Variants in SOX5 observed in about 807,000 individuals in gnomAD.
The protein encoded by SOX5 is transcription factor SOX-5.
In SOX5, 9 loss-of-function variants were observed where a neutral mutation model predicts 92.0. That is an observed-to-expected ratio of 0.10 (90% confidence interval 0.06 to 0.17). The LOEUF is 0.17. Ranked by LOEUF, SOX5 falls within the 10% of genes least tolerant of loss-of-function variation. The probability of loss-of-function intolerance (pLI) is 1.00; values close to 1 mark genes in which losing one functional copy is unlikely to be tolerated. For missense variants in SOX5, 642 were observed against 944.5 expected, an observed-to-expected ratio of 0.68 and a Z score of 4.20; for synonymous variants, 344 against 336.3, an observed-to-expected ratio of 1.02 and a Z score of -0.25.
intron 7 of SOX5, among the ~76,000 whole-genome samples, chr12:23,654,919 TGTTA>T (rs2082126014): frequency 6.6e-6 from 1 of 152,100 alleles, no homozygotes; most frequent in African/African-American, 2.4e-5. Flanking sequence ...ATAAGGTAAT[TGTTA>T]GTTCTTAACT....
chr12:23,623,243 G>T (rs984756547), intron 8 of SOX5, among the ~76,000 whole-genome samples: 1 of 152,100 alleles, frequency 6.6e-6, no homozygotes, highest in Non-Finnish European at 1.5e-5. Context: ...CATATGAACA[G>T]TAGAGACAGA....
At chr12:23,712,682 T>C (rs2092161643) in intron 6 of SOX5, among the ~76,000 whole-genome samples, 1 of 152,224 alleles carries the variant, frequency 6.6e-6, no homozygotes, top group African/African-American at 2.4e-5. Flanking sequence ...TTCAGAGTGC[T>C]ATAGACTATA....
At chr12:24,224,934 C>T (rs973357486) in intron 3 of SOX5, among the ~76,000 whole-genome samples, 3 of 152,182 alleles carry the variant, frequency 2.0e-5, no homozygotes, top group Admixed American at 6.5e-5. Flanking sequence ...GGTGCTCACT[C>T]TCTCTTTACA....
intron 3 of SOX5, among the ~76,000 whole-genome samples, chr12:24,258,894 C>T (rs1045784308): frequency 6.6e-6 from 1 of 152,160 alleles, no homozygotes; most frequent in East Asian, 1.9e-4. Flanking sequence ...CAAGTAGTTA[C>T]AGAAGTTGTC....
intron 4 of SOX5, among the ~76,000 whole-genome samples, chr12:24,153,574 C>T (rs1778727895): frequency 6.6e-6 from 1 of 152,244 alleles, no homozygotes; most frequent in South Asian, 2.1e-4. Flanking sequence ...GTCCTGTTCT[C>T]ACACATACAT....
At chr12:24,238,534 C>G (rs993566906) in intron 3 of SOX5, among the ~76,000 whole-genome samples, 15 of 152,122 alleles carry the variant, frequency 9.9e-5, no homozygotes, top group African/African-American at 3.6e-4. Flanking sequence ...TTGTTGTATT[C>G]TTTTTAGAGA....
intron 3 of SOX5, among the ~76,000 whole-genome samples, chr12:24,256,188 T>C (rs1941129008): frequency 6.6e-6 from 1 of 152,224 alleles, no homozygotes. Context: ...GCAGACATTA[T>C]ATCTTTCATA....
chr12:24,485,282 T>C (rs1379047651), intron 1 of SOX5, among the ~76,000 whole-genome samples: 1 of 152,206 alleles, frequency 6.6e-6, no homozygotes, highest in Non-Finnish European at 1.5e-5. Context: ...CTTATATAAA[T>C]AATTGCAAGA....
At chr12:23,727,803 T>G (rs987666794) in intron 6 of SOX5, among the ~76,000 whole-genome samples, 24 of 152,154 alleles carry the variant, frequency 1.6e-4, no homozygotes, top group Admixed American at 1.3e-4. Context: ...TGGCTCCTTC[T>G]GAGTAAAAGA....
chr12:23,684,766 T>A (rs185965471), intron 6 of SOX5, among the ~76,000 whole-genome samples: 1 of 152,166 alleles, frequency 6.6e-6, no homozygotes, highest in South Asian at 2.1e-4. Context: ...GGTGATCTCA[T>A]CTGTCATTTA....
chr12:24,454,851 A>C (rs566659107), intron 1 of SOX5, among the ~76,000 whole-genome samples: 1 of 152,322 alleles, frequency 6.6e-6, no homozygotes, highest in East Asian at 1.9e-4. Flanking sequence ...GAACTCTATT[A>C]TCACTTTCTG....
chr12:24,256,630 C>G (rs943447246), intron 3 of SOX5, among the ~76,000 whole-genome samples: 1 of 108,168 alleles, frequency 9.2e-6, no homozygotes, highest in African/African-American at 3.6e-5. Flanking sequence ...GGGAGGGGAA[C>G]AGAGAGAGAG....
chr12:23,925,032 A>G (rs1013518423), intron 1 of SOX5, among the ~76,000 whole-genome samples: 1 of 151,956 alleles, frequency 6.6e-6, no homozygotes, highest in Non-Finnish European at 1.5e-5. Flanking sequence ...AAAAAAGAAA[A>G]CCCAAGCCAT....
Position 24,512,555 on chromosome 12 carries a change from A to G in SOX5, c.-251+49774T>C, listed in dbSNP as rs141972408. On this transcript the variant is annotated intron_variant, in intron 1 of 4. Transcript: ENST00000446891. Reference sequence around the variant, plus strand: ...CCCTCTGTATCTTGGCAGACTATGTACCTCCAGCATAGTTTAAAAGGAGTG... The same window carrying G: ...CCCTCTGTATCTTGGCAGACTATGTGCCTCCAGCATAGTTTAAAAGGAGTG... Among the ~76,000 whole-genome samples the G allele has an allele frequency of 2.2e-3, 341 of 152,314 alleles. 1 individual carries two copies. Among genetic ancestry groups the G allele is most frequent in the African/African-American group, 7.8e-3 (324 of 41,558 alleles).
chr12:24,072,335 A>T (rs895825181), intron 4 of SOX5, among the ~76,000 whole-genome samples: 2 of 152,216 alleles, frequency 1.3e-5, no homozygotes, highest in Admixed American at 6.5e-5. Flanking sequence ...AGAAATAAAA[A>T]CAGATTGTCA....
chr12:23,741,899 T>TA (rs1461676818), intron 4 of SOX5, among the ~76,000 whole-genome samples: 1 of 152,174 alleles, frequency 6.6e-6, no homozygotes, highest in African/African-American at 2.4e-5. Context: ...CTTATTAAGT[T>TA]AAAATTTATA....
At chr12:24,348,394 A>ATTTATTTATTTATTTG (rs1322620821) in intron 2 of SOX5, among the ~76,000 whole-genome samples, 8 of 151,012 alleles carry the variant, frequency 5.3e-5, no homozygotes, top group Admixed American at 5.3e-4. Flanking sequence ...TTATTTATTT[A>ATTTATTTATTTATTTG]TTTGTTGAGA....
At chr12:24,181,226 G>A (rs769949421) in intron 4 of SOX5, among the ~76,000 whole-genome samples, 7 of 152,122 alleles carry the variant, frequency 4.6e-5, no homozygotes, top group Non-Finnish European at 8.8e-5. Context: ...TTTTTGACCT[G>A]GCTCCCCATT....
chr12:23,820,004 A>G (rs945818818), intron 3 of SOX5, among the ~76,000 whole-genome samples: 2 of 152,224 alleles, frequency 1.3e-5, no homozygotes, highest in African/African-American at 4.8e-5. Flanking sequence ...AGGAATCGCC[A>G]CACTGTCTTC....
Sources: allele counts gnomAD v4.1 joint callset (sites outside exome capture counted in the v4.1 genomes callset), GRCh38; gene constraint gnomAD v4.1.1; transcripts MANE v1.5; gene names NCBI Gene and HGNC (gene_info 2026-07-23, HGNC 2026-07-21).